PCSK5: variants seen among roughly 807,000 people sequenced by gnomAD.
PCSK5 encodes proprotein convertase subtilisin/kexin type 5.
PCSK5 carries 129 observed loss-of-function variants against 233.2 expected under a neutral mutation model. The ratio of observed to expected loss-of-function variants is 0.55; its 90% CI spans 0.48 to 0.64. The LOEUF (loss-of-function observed/expected upper bound fraction) is 0.64, where lower values mean the gene tolerates loss of function less well. PCSK5 is among the 30% of genes least tolerant of loss of function. The pLI is 0.00. For synonymous variants in PCSK5, 825 were observed against 879.2 expected (o/e 0.94, Z 1.09); for missense variants, 2,076 against 2,430.1 (o/e 0.85, Z 3.06).
At chr9:76,191,311 A>T (rs1036584020) in intron 20 of PCSK5, among the ~76,000 whole-genome samples, 2 of 152,190 alleles carry the variant, frequency 1.3e-5, no homozygotes, top group Non-Finnish European at 2.9e-5. Flanking sequence ...TGGAAATTTC[A>T]TGAAAGGAAA....
intron 20 of PCSK5, among the ~76,000 whole-genome samples, chr9:76,192,179 T>TTAAC (rs1824424218): frequency 6.6e-6 from 1 of 152,056 alleles, no homozygotes; most frequent in Non-Finnish European, 1.5e-5. Context: ...TTGTAATGCT[T>TTAAC]TAACTACTTT....
At chr9:76,010,368 G>C (rs917333077) in intron 3 of PCSK5, among the ~76,000 whole-genome samples, 15 of 152,174 alleles carry the variant, frequency 9.9e-5, no homozygotes, top group Non-Finnish European at 1.9e-4. Context: ...TCACTAGAAA[G>C]TAACTTCAGG....
intron 2 of PCSK5, among the ~76,000 whole-genome samples, chr9:75,955,527 A>G (rs568137559): frequency 6.6e-6 from 1 of 152,330 alleles, no homozygotes; most frequent in Admixed American, 6.5e-5. Flanking sequence ...AGGCCGGGAT[A>G]CTACCACTAC....
intron 30 of PCSK5, among the ~76,000 whole-genome samples, chr9:76,319,186 C>T (rs926891760): frequency 3.9e-5 from 6 of 151,940 alleles, no homozygotes; most frequent in Admixed American, 1.3e-4. Context: ...CATTGTAGGC[C>T]GGGCGCGGTG....
chr9:76,311,145 G>C (rs1218751537), intron 30 of PCSK5, among the ~76,000 whole-genome samples: 1 of 152,132 alleles, frequency 6.6e-6, no homozygotes, highest in Non-Finnish European at 1.5e-5. Flanking sequence ...GGAGGCTAAG[G>C]CAGAAGGATC....
At chr9:75,977,532 A>G (rs1826077634) in intron 2 of PCSK5, among the ~76,000 whole-genome samples, 1 of 149,146 alleles carries the variant, frequency 6.7e-6, no homozygotes, top group Admixed American at 6.6e-5. Context: ...AGATGGAGCC[A>G]TTTCCTCCCG....
At chr9:76,079,989 C>A (rs748914523) in intron 7 of PCSK5, among the ~76,000 whole-genome samples, 4 of 152,102 alleles carry the variant, frequency 2.6e-5, no homozygotes, top group Non-Finnish European at 5.9e-5. Flanking sequence ...ATGCTTGAAC[C>A]AGCCTTGCAT....
chr9:76,314,875 C>T (rs1055962840), intron 30 of PCSK5, among the ~76,000 whole-genome samples: 2 of 151,382 alleles, frequency 1.3e-5, no homozygotes, highest in African/African-American at 4.9e-5. Context: ...CTCCTGACCT[C>T]GTGATCCGAC....
At chr9:76,126,167 C>CTGTGTGTGTGTG (rs140371301) in intron 9 of PCSK5, among the ~76,000 whole-genome samples, 2 of 61,582 alleles carry the variant, frequency 3.2e-5, no homozygotes, top group South Asian at 4.5e-4. Context: ...TGATTTTTTC[C>CTGTGTGTGTGTG]TGCGTGTGTG....
intron 30 of PCSK5, among the ~76,000 whole-genome samples, chr9:76,311,519 G>T (rs568649790): frequency 1.3e-5 from 2 of 151,938 alleles, no homozygotes; most frequent in Admixed American, 6.6e-5. Flanking sequence ...GTTATTTATT[G>T]ATTCCTCCTG....
Position 76,230,760 on chromosome 9 carries a change from T to C in PCSK5, c.2730-2700T>C, listed in dbSNP as rs374281488. On this transcript the variant is annotated intron_variant, in intron 21 of 37. Transcript: ENST00000674117. ...GCACTGCCCATGTGAGGAATCTAGG[T>C]TGCGTGCTCATTATGAGAATCTAAT... Among the ~76,000 whole-genome samples, 18 of 152,216 alleles carry C rather than the reference T, an allele frequency of 1.2e-4. No homozygotes were observed. In the East Asian group the frequency reaches 3.5e-3, roughly 29 times the overall value.
chr9:76,145,392 C>A (rs567302952), intron 10 of PCSK5, among the ~76,000 whole-genome samples: 1 of 152,004 alleles, frequency 6.6e-6, no homozygotes, highest in African/African-American at 2.4e-5. Flanking sequence ...ATGTTGGATA[C>A]GTGAGCCCAG....
intron 24 of PCSK5, among the ~76,000 whole-genome samples, chr9:76,262,890 C>T (rs187861604): frequency 2.2e-3 from 323 of 150,210 alleles, no homozygotes; most frequent in African/African-American, 7.2e-3. Flanking sequence ...TGACAAAGGG[C>T]TAATATCCAG....
At chr9:76,194,736 G>C (rs1824604582) in intron 20 of PCSK5, 1 of 464,226 alleles carries the variant, frequency 2.2e-6, no homozygotes, top group African/African-American at 2.0e-5. Flanking sequence ...TAGATCTTTT[G>C]ACAGTTTCTC....
At chr9:76,249,252 C>A (rs774458010) in intron 24 of PCSK5, among the ~76,000 whole-genome samples, 1 of 152,090 alleles carries the variant, frequency 6.6e-6, no homozygotes, top group South Asian at 2.1e-4. Context: ...ACTGCTCCCC[C>A]ACAACAAAGA....
At chr9:76,081,126 A>G (rs115390294) in intron 7 of PCSK5, among the ~76,000 whole-genome samples, 1,849 of 152,250 alleles carry the variant, frequency 0.012, 35 homozygotes, top group African/African-American at 0.041. Flanking sequence ...TACTTAAGAA[A>G]CACCACTTAT....
At chr9:75,985,127 T>C (rs1223668514) in intron 2 of PCSK5, among the ~76,000 whole-genome samples, 1 of 152,164 alleles carries the variant, frequency 6.6e-6, no homozygotes, top group African/African-American at 2.4e-5. Flanking sequence ...CAAAGGAGCA[T>C]TTAGGCACAA....
chr9:76,207,983 C>G (rs1319735971), intron 20 of PCSK5, among the ~76,000 whole-genome samples: 1 of 152,138 alleles, frequency 6.6e-6, no homozygotes, highest in African/African-American at 2.4e-5. Context: ...TATATCATAA[C>G]ATGGTAGAAG....
rs1830365158 is a variant in PCSK5 at position 76,358,698 on chromosome 9, A to C, written c.5440A>C (p.Lys1814Gln). The change falls in exon 38 of 38, where the codon AAG (lysine) becomes CAG (glutamine). Residue 1814 changes from lysine to glutamine, a missense_variant. Physicochemically the swap from Lys to Gln is moderately conservative, Grantham distance 53. Coordinates refer to ENST00000674117, the MANE Select transcript of PCSK5 (RefSeq NM_001372043.1). The part of the protein sequence containing the change: ...AGYEKLADPN[K>Q]SYSSYKSSYR... The stretch of plus-strand genomic sequence containing the variant: ...CTATGAAAAACTGGCCGACCCCAAC[A>C]AGTCTTACTCCTCCTATAAGAGCAG... 6.2e-7 allele frequency: 1 copy of C among 1,612,696 alleles called. No individual in the cohort carries two copies. Among genetic ancestry groups the C allele is most frequent in the Non-Finnish European group, 8.5e-7 (1 of 1,179,896 alleles).
Sources: gnomAD v4.1 joint callset for allele counts (sites outside exome capture counted in the v4.1 genomes callset) on GRCh38, gnomAD v4.1.1 for gene constraint, MANE v1.5 for transcripts, NCBI Gene and HGNC (gene_info 2026-07-23, HGNC 2026-07-21) for gene names.